DPH6: variants seen among roughly 807,000 people sequenced by gnomAD.
DPH6 encodes diphthine--ammonia ligase.
DPH6 carries 33 observed loss-of-function variants against 38.2 expected under a neutral mutation model. That is an observed-to-expected ratio of 0.86 (90% CI 0.65 to 1.15). The LOEUF (loss-of-function observed/expected upper bound fraction) is 1.15, where lower values mean the gene tolerates loss of function less well. DPH6 is among the 50% of genes most tolerant of loss of function. The pLI is 0.00. For synonymous variants in DPH6, 108 were observed against 103.0 expected (o/e 1.05, Z -0.30); for missense variants, 325 against 320.0 (o/e 1.02, Z -0.12).
intron 5 of DPH6, among the ~76,000 whole-genome samples, chr15:35,443,115 A>G (rs1302174061): frequency 1.3e-5 from 2 of 152,194 alleles, no homozygotes; most frequent in Non-Finnish European, 1.5e-5. Context: ...ACAGATAAAA[A>G]GATCTCTTAA....
chr15:35,544,593 A>G (rs2055315609), intron 1 of DPH6, among the ~76,000 whole-genome samples: 2 of 152,240 alleles, frequency 1.3e-5, no homozygotes, highest in South Asian at 4.1e-4. Flanking sequence ...ATAATTATAT[A>G]TAATGCATAT....
intron 3 of DPH6, chr15:35,282,939 C>G: frequency 2.9e-6 from 1 of 342,640 alleles, no homozygotes; most frequent in Non-Finnish European, 6.0e-6. Context: ...TGGGTTTGCA[C>G]CAATGACATG....
At position 35,275,713 on chromosome 15, in the gene DPH6, TA is replaced by T. The variant is rs56006226; in HGVS notation, n.201-55132del. The stretch of plus-strand genomic sequence containing the variant: ...TGCACATGTATCTCAGACCTTAAAG[TA>T]AAAAAAAAAAAAAATAATAATATTA... On this transcript the variant is annotated intron_variant and non_coding_transcript_variant, in intron 3 of 3. Transcript: ENST00000560386. Among the ~76,000 whole-genome samples the T allele has an allele frequency of 5.2e-3, 732 of 141,538 alleles. 2 individuals are homozygous for T. Among genetic ancestry groups the T allele is most frequent in the South Asian group, 0.013 (61 of 4,520 alleles). The allele number at this position is 141,538 out of a possible 152,430, so 92.9% of individuals were successfully genotyped here.
the DPH6 span, among the ~76,000 whole-genome samples, chr15:35,165,969 A>G: frequency 1.3e-5 from 2 of 151,946 alleles, no homozygotes; most frequent in African/African-American, 2.4e-5. Flanking sequence ...TTCTTACAGT[A>G]ACAAAAAAGA....
At chr15:35,401,821 G>A in intron 6 of DPH6, 1 of 563,922 alleles carries the variant, frequency 1.8e-6, no homozygotes, top group South Asian at 1.6e-5. Flanking sequence ...GAAGTTGACA[G>A]CGAAACTACA....
exon 4 of DPH6, chr15:35,331,008 A>G (rs1309776724): frequency 5.9e-5 from 9 of 152,214 alleles, no homozygotes; most frequent in Admixed American, 5.9e-4. Flanking sequence ...GAATGAGAGA[A>G]ACGTGGCTCA....
intron 3 of DPH6, among the ~76,000 whole-genome samples, chr15:35,356,045 CATT>C (rs2052557069): frequency 6.6e-6 from 1 of 152,172 alleles, no homozygotes; most frequent in Non-Finnish European, 1.5e-5. Context: ...GATCTTCCAT[CATT>C]GATACCCTTT....
chr15:35,228,934 A>G (rs536120865), intron 3 of DPH6, among the ~76,000 whole-genome samples: 18 of 152,186 alleles, frequency 1.2e-4, no homozygotes, highest in African/African-American at 3.6e-4. Flanking sequence ...GGAGCTCCAT[A>G]GTATGTTATT....
In DPH6 at chr15:35,382,629, A is replaced by C. The variant is rs930991269; in HGVS notation, c.568-713T>G. On this transcript the variant is annotated intron_variant, in intron 6 of 8. Transcript: ENST00000256538. ...GGGAATGAAAACGCTGTGTTTAGTG[A>C]ATTTCTCAAGGATACAGAAAAAGCA... is the stretch of plus-strand genomic sequence containing the variant. Among the ~76,000 whole-genome samples, 56 of 152,154 alleles carry C rather than the reference A, an allele frequency of 3.7e-4. 1 individual carries two copies. Among genetic ancestry groups the C allele is most frequent in the Non-Finnish European group, 4.4e-5 (3 of 68,028 alleles).
chr15:35,467,142 C>G (rs964731259), intron 3 of DPH6, among the ~76,000 whole-genome samples: 2 of 152,036 alleles, frequency 1.3e-5, no homozygotes, highest in Non-Finnish European at 2.9e-5. Flanking sequence ...GTTTTTTACT[C>G]TTTGTAATAA....
the DPH6 span, among the ~76,000 whole-genome samples, chr15:35,204,003 A>G: frequency 6.6e-6 from 1 of 151,824 alleles, no homozygotes; most frequent in East Asian, 1.9e-4. Flanking sequence ...AGGTATAACA[A>G]TATTGTACAT....
chr15:35,434,805 C>T (rs957343667), intron 5 of DPH6, among the ~76,000 whole-genome samples: 1 of 152,294 alleles, frequency 6.6e-6, no homozygotes, highest in Middle Eastern at 3.4e-3. Context: ...CAGAGTCTCA[C>T]TCTTGTCGCC....
intron 3 of DPH6, among the ~76,000 whole-genome samples, chr15:35,295,290 C>T (rs2052007314): frequency 6.6e-6 from 1 of 152,196 alleles, no homozygotes; most frequent in African/African-American, 2.4e-5. Flanking sequence ...ATCAGAATCT[C>T]TCAGTAACAA....
At chr15:35,399,082 C>T (rs1269125801) in intron 6 of DPH6, among the ~76,000 whole-genome samples, 5 of 152,116 alleles carry the variant, frequency 3.3e-5, no homozygotes, top group Admixed American at 3.3e-4. Flanking sequence ...CATAATAACA[C>T]AGATTACAAG....
intron 3 of DPH6, among the ~76,000 whole-genome samples, chr15:35,353,308 C>T (rs2052531761): frequency 6.6e-6 from 1 of 152,156 alleles, no homozygotes; most frequent in Non-Finnish European, 1.5e-5. Flanking sequence ...TCAATTTTGG[C>T]TTTTGTTGCC....
At chr15:35,176,709 G>C in the DPH6 span, among the ~76,000 whole-genome samples, 1 of 152,294 alleles carries the variant, frequency 6.6e-6, no homozygotes, top group East Asian at 1.9e-4. Flanking sequence ...AACCTCAGGT[G>C]ATCCGCCCGC....
At chr15:35,272,437 G>A (rs559544653) in intron 3 of DPH6, among the ~76,000 whole-genome samples, 12 of 152,250 alleles carry the variant, frequency 7.9e-5, no homozygotes, top group African/African-American at 2.6e-4. Context: ...TGTCCTTGCT[G>A]ATATTGTTTG....
chr15:35,241,589 C>T (rs576667314), intron 3 of DPH6, among the ~76,000 whole-genome samples: 2 of 142,308 alleles, frequency 1.4e-5, no homozygotes, highest in Non-Finnish European at 3.1e-5. Flanking sequence ...GGATTATAGC[C>T]ACATCTCATT....
At chr15:35,159,347 T>G in the DPH6 span, among the ~76,000 whole-genome samples, 1 of 152,042 alleles carries the variant, frequency 6.6e-6, no homozygotes, top group African/African-American at 2.4e-5. Flanking sequence ...TTCTCTTGTA[T>G]CTTCAGTTTC....
Sources: allele counts gnomAD v4.1 joint callset (sites outside exome capture counted in the v4.1 genomes callset), GRCh38; gene constraint gnomAD v4.1.1; transcripts MANE v1.5; gene names NCBI Gene and HGNC (gene_info 2026-07-23, HGNC 2026-07-21).